The following RYR2 variants were observed in gnomAD, a reference collection of about 807,000 sequenced individuals.
RYR2 encodes the protein ryanodine receptor 2, also known as cardiac muscle ryanodine receptor-calcium release channel.
Under a neutral mutation model 601.1 loss-of-function variants are expected in RYR2, and 227 were observed. The observed-to-expected ratio is 0.38, with a 90% confidence interval of 0.34 to 0.42. The LOEUF is 0.42. RYR2 is among the 10% of genes least tolerant of loss of function. The pLI is 1.00. For missense variants in RYR2, 4,646 were observed against 6,156.5 expected, an observed-to-expected ratio of 0.75 and a Z score of 8.21; for synonymous variants, 2,223 against 2,175.1, an observed-to-expected ratio of 1.02 and a Z score of -0.61.
chr1:237,157,380 C>T (rs1675516721), intron 1 of RYR2, among the ~76,000 whole-genome samples: 5 of 151,046 alleles, frequency 3.3e-5, no homozygotes, highest in South Asian at 2.1e-4. Context: ...CCAGCAATCC[C>T]GCTAAGTAAA....
intron 3 of RYR2, among the ~76,000 whole-genome samples, chr1:237,339,221 A>G (rs1697524262): frequency 6.6e-6 from 1 of 152,190 alleles, no homozygotes; most frequent in African/African-American, 2.4e-5. Context: ...ACAAAGAAAA[A>G]TAATACCACA....
At chr1:237,574,427 T>C (rs1200477514) in intron 29 of RYR2, among the ~76,000 whole-genome samples, 2 of 152,166 alleles carry the variant, frequency 1.3e-5, no homozygotes, top group African/African-American at 4.8e-5. Context: ...CCATTTTATA[T>C]AACCCTCTCC....
At chr1:237,805,908 G>T (rs976104025) in intron 98 of RYR2, among the ~76,000 whole-genome samples, 26 of 152,138 alleles carry the variant, frequency 1.7e-4, no homozygotes, top group Admixed American at 1.6e-3. Flanking sequence ...CTATAACTTT[G>T]TATCTTTTAA....
intron 99 of RYR2, among the ~76,000 whole-genome samples, chr1:237,807,704 AC>A (rs2149442766): frequency 6.6e-6 from 1 of 152,306 alleles, no homozygotes; most frequent in African/African-American, 2.4e-5. Context: ...AACAGGTGAA[AC>A]ATGCAGAAAT....
chr1:237,663,542 G>A (rs141687136), intron 56 of RYR2, among the ~76,000 whole-genome samples: 181 of 152,310 alleles, frequency 1.2e-3, no homozygotes, highest in Non-Finnish European at 2.0e-3. Context: ...TCTCACCCAT[G>A]AGTACCTAGC....
intron 100 of RYR2, among the ~76,000 whole-genome samples, chr1:237,815,144 C>A (rs1342206973): frequency 6.6e-6 from 1 of 152,068 alleles, no homozygotes; most frequent in Non-Finnish European, 1.5e-5. Flanking sequence ...ACAACTTCCT[C>A]TTCTAAATTT....
intron 29 of RYR2, among the ~76,000 whole-genome samples, chr1:237,583,674 A>G (rs1329019112): frequency 2.6e-5 from 4 of 152,154 alleles, no homozygotes; most frequent in Non-Finnish European, 5.9e-5. Flanking sequence ...TGGATTCTTA[A>G]CTGTATTTCA....
At chr1:237,189,596 G>A (rs1368993316) in intron 1 of RYR2, among the ~76,000 whole-genome samples, 5 of 152,180 alleles carry the variant, frequency 3.3e-5, no homozygotes, top group African/African-American at 9.6e-5. Flanking sequence ...CTAGCATGCT[G>A]TCTTTCTGCC....
intron 1 of RYR2, among the ~76,000 whole-genome samples, chr1:237,137,609 G>A (rs1672932416): frequency 1.3e-5 from 2 of 152,152 alleles, no homozygotes; most frequent in Admixed American, 6.5e-5. Flanking sequence ...GGTTATCTTT[G>A]AAAGCAGTGC....
chr1:237,043,101 T>C (rs907520275), intron 1 of RYR2, among the ~76,000 whole-genome samples: 1 of 152,154 alleles, frequency 6.6e-6, no homozygotes, highest in African/African-American at 2.4e-5. Flanking sequence ...CCGTGTAGCG[T>C]GCGGCGCAGC....
At chr1:237,365,649 A>G (rs1340656656) in intron 5 of RYR2, among the ~76,000 whole-genome samples, 1 of 152,240 alleles carries the variant, frequency 6.6e-6, no homozygotes, top group Non-Finnish European at 1.5e-5. Flanking sequence ...TCTCTTTGCA[A>G]ATACTGATAA....
intron 1 of RYR2, among the ~76,000 whole-genome samples, chr1:237,090,501 C>T (rs534869254): frequency 6.6e-6 from 1 of 152,242 alleles, no homozygotes; most frequent in South Asian, 2.1e-4. Context: ...ACAGATTTTC[C>T]CCTAGAGTCA....
intron 1 of RYR2, among the ~76,000 whole-genome samples, chr1:237,199,074 C>G (rs938957570): frequency 2.0e-5 from 3 of 152,048 alleles, no homozygotes; most frequent in Non-Finnish European, 4.4e-5. Context: ...TTGCCGGGGT[C>G]CTGCAGAGTG....
chr1:237,781,767 ATTTCTTGCTGGC>A (rs1337522778), intron 89 of RYR2, 121 bp downstream of exon 89: 4 of 461,210 alleles, frequency 8.7e-6, no homozygotes, highest in Non-Finnish European at 1.6e-5. Context: ...GATGCCTTGG[ATTTCTTGCTGGC>A]TTATTATTCT....
chr1:237,555,415 T>C (rs983986424), intron 27 of RYR2, among the ~76,000 whole-genome samples: 1 of 152,058 alleles, frequency 6.6e-6, no homozygotes, highest in Non-Finnish European at 1.5e-5. Flanking sequence ...ATTTTTAGGT[T>C]GGAAAGATAC....
rs1243083109 is a variant in RYR2 at position 237,628,071 on chromosome 1, G to A, written c.6431G>A (p.Arg2144His). 46 of 1,613,314 alleles carry A rather than the reference G, an allele frequency of 2.9e-5. No individual in the cohort carries two copies. The highest frequency in any genetic ancestry group is 4.4e-5 in the South Asian group (4 of 91,076). Reference sequence around the variant, plus strand: ...AAAGAAGAAGAGAAGCTCATGATTCGTGGATTAGGGTAAATTATTTAACTA... The same window carrying A: ...AAAGAAGAAGAGAAGCTCATGATTCATGGATTAGGGTAAATTATTTAACTA... The part of the protein sequence containing the change: ...MGKEEEKLMI[R>H]GLGDIMNNKV... Residue 2144 changes from arginine (R) to histidine (H), a missense_variant, in exon 41 of 105, where the codon CGT (arginine) becomes CAT (histidine). Coordinates refer to ENST00000366574, the MANE Select transcript of RYR2 (RefSeq NM_001035.3).
intron 3 of RYR2, among the ~76,000 whole-genome samples, chr1:237,334,285 G>A (rs1036174211): frequency 3.3e-5 from 5 of 152,028 alleles, no homozygotes; most frequent in African/African-American, 1.2e-4. Flanking sequence ...TGTGTAAGAT[G>A]AAATGGGAGA....
chr1:237,627,417 G>A lies in RYR2; in HGVS notation c.6167-390G>A, dbSNP rs1391220542. On this transcript the variant is annotated intron_variant, in intron 40 of 104. Transcript: ENST00000366574. ...GAATGTCCGTGACCGAACTTTATAA[G>A]GATAAATGATGTCAGGCCTTCTGGG... Among the ~76,000 whole-genome samples the A allele has an allele frequency of 2.0e-5, 3 of 152,206 alleles. No individual in the cohort carries two copies. In the East Asian group the frequency reaches 5.8e-4, roughly 29 times the overall value.
intron 99 of RYR2, among the ~76,000 whole-genome samples, chr1:237,807,198 A>G (rs1338056899): frequency 6.6e-6 from 1 of 152,262 alleles, no homozygotes; most frequent in East Asian, 1.9e-4. Context: ...AAAAAAGTCT[A>G]TTTATCTGTC....
Sources: gnomAD v4.1 joint callset for allele counts (sites outside exome capture counted in the v4.1 genomes callset) on GRCh38, gnomAD v4.1.1 for gene constraint, MANE v1.5 for transcripts, NCBI Gene and HGNC (gene_info 2026-07-23, HGNC 2026-07-21) for gene names.